PTPN11: variants seen among roughly 807,000 people sequenced by gnomAD.
PTPN11 encodes the protein tyrosine-protein phosphatase non-receptor type 11.
In PTPN11, 6 loss-of-function variants were observed where a neutral mutation model predicts 78.8. That is an observed-to-expected ratio of 0.08 (90% CI 0.04 to 0.15). PTPN11 has a LOEUF of 0.15. Among genes scored for constraint, PTPN11 ranks in the 10% least tolerant of loss-of-function variants. The pLI, the probability that PTPN11 is intolerant of heterozygous loss-of-function variation, is 1.00. For synonymous variants in PTPN11, 221 were observed against 263.5 expected (o/e 0.84, Z 1.56); for missense variants, 386 against 744.8 (o/e 0.52, Z 5.61).
Position 112,482,407 on chromosome 12 carries a change from G to A in PTPN11, c.1224+202G>A, listed in dbSNP as rs2038610263. ...TGTGAACAAGGCAGGTAGTGTTCCT[G>A]CCCTCATCGAGCCTAGGGAGATAGA... On this transcript the variant is annotated intron_variant, in intron 10 of 15. Transcript: ENST00000351677. This position sits in a 1 kb window ranked among gnomAD's most constrained non-coding sequence, Gnocchi z 4.4. 6.6e-6 allele frequency among the ~76,000 whole-genome samples: 1 copy of A among 152,178 alleles called. No individual in the cohort carries two copies. Among genetic ancestry groups the A allele is most frequent in the African/African-American group, 2.4e-5 (1 of 41,452 alleles).
At position 112,506,946 on chromosome 12, in the gene PTPN11, TTGATGATGATGATGATGATGATGA is replaced by T. The variant is rs80269561; in HGVS notation, c.*1178_*1201del. ...ACAGTGTCCCTTCTACTTCCCTCTA[TTGATGATGATGATGATGATGATGA>T]TGATGATGATGATGATGATGATGGT... On this transcript the variant is annotated 3_prime_UTR_variant, in exon 16 of 16. Transcript: ENST00000351677. 69 of 217,388 alleles carry T rather than the reference TTGATGATGATGATGATGATGATGA, an allele frequency of 3.2e-4. No individual in the cohort carries two copies. The East Asian group carries it at 9.4e-3, about 30-fold the overall frequency. The allele number at this position is 217,388 out of a possible 1,614,324, so 13.5% of individuals were successfully genotyped here. A position where few individuals can be genotyped will look rare whatever the true frequency, so the allele number is the denominator to read the frequency against.
In PTPN11 at chr12:112,504,586, A is replaced by G; in HGVS notation, c.1713-109A>G. The G allele has an allele frequency of 1.2e-6, 1 of 808,084 alleles. No homozygotes were observed. The highest frequency in any genetic ancestry group is 2.1e-6 in the Non-Finnish European group (1 of 473,550). The allele number at this position is 808,084 out of a possible 1,614,324, so 50.1% of individuals were successfully genotyped here. Reference sequence around the variant, plus strand: ...TCCTAGGCACAGGAACTGTGTCTGTACCATATCTGGTGCCCAAAGAATGTA... The same window carrying G: ...TCCTAGGCACAGGAACTGTGTCTGTGCCATATCTGGTGCCCAAAGAATGTA... On this transcript the variant is annotated intron_variant, in intron 14 of 15. Transcript: ENST00000351677. The surrounding 1 kb of genome is among the most constrained non-coding windows in gnomAD (Gnocchi z 4.7).
chr12:112,453,489 T>C, intron 4 of PTPN11, 102 bp downstream of exon 4: 2 of 678,478 alleles, frequency 2.9e-6, no homozygotes, highest in Non-Finnish European at 2.4e-6. Context: ...CAGATTGTCT[T>C]TTATTTATTT....
chr12:112,441,842 T>A (rs1415169633), intron 1 of PTPN11, among the ~76,000 whole-genome samples: 1 of 151,670 alleles, frequency 6.6e-6, no homozygotes, highest in Non-Finnish European at 1.5e-5. Context: ...GCAGTGGTGA[T>A]CTGGGCTCAC....
At chr12:112,442,876 AT>A (rs1334463371) in intron 1 of PTPN11, among the ~76,000 whole-genome samples, 42 of 70,728 alleles carry the variant, frequency 5.9e-4, no homozygotes, top group African/African-American at 2.3e-3. Flanking sequence ...ATATATATAT[AT>A]AAATTATATA....
intron 10 of PTPN11, among the ~76,000 whole-genome samples, 192 bp from the exon 11 acceptor site, chr12:112,486,283 C>T (rs1309811368): frequency 6.6e-6 from 1 of 152,134 alleles, no homozygotes; most frequent in Non-Finnish European, 1.5e-5. Flanking sequence ...GTTCTTATGA[C>T]AGAGGCAAAG....
At chr12:112,493,168 C>T (rs2038774025) in intron 13 of PTPN11, among the ~76,000 whole-genome samples, 3 of 151,388 alleles carry the variant, frequency 2.0e-5, no homozygotes, top group Non-Finnish European at 4.4e-5. Flanking sequence ...AAGTGATTCT[C>T]CTGCCTTGGC....
Position 112,507,138 on chromosome 12 carries a change from C to T in PTPN11, c.*1346C>T, listed in dbSNP as rs1197144688. 3 of 153,172 alleles carry T rather than the reference C, an allele frequency of 2.0e-5. No individual in the cohort carries two copies. The East Asian group carries it at 5.6e-4, about 28-fold the overall frequency. 9.5% of individuals were successfully genotyped at this position (153,172 alleles called of 1,614,324 possible). On this transcript the variant is annotated 3_prime_UTR_variant, in exon 16 of 16. Transcript: ENST00000351677. ...GTCTAACAGACGGTCACAACCAGTG[C>T]CATGGAAAACCAAGGATATTAGCAA...
At chr12:112,472,727 C>A (rs2038438280) in intron 6 of PTPN11, among the ~76,000 whole-genome samples, 3 of 152,148 alleles carry the variant, frequency 2.0e-5, no homozygotes, top group Admixed American at 2.0e-4. Context: ...TTTCGAACTC[C>A]TGCCCTGAAG....
At chr12:112,463,476 A>G (rs2038279675) in intron 6 of PTPN11, among the ~76,000 whole-genome samples, 1 of 152,206 alleles carries the variant, frequency 6.6e-6, no homozygotes. Flanking sequence ...AGACTTTCAC[A>G]AAGAGCTTGT....
At chr12:112,432,635 C>T (rs1475585747) in intron 1 of PTPN11, among the ~76,000 whole-genome samples, 1 of 148,972 alleles carries the variant, frequency 6.7e-6, no homozygotes, top group Non-Finnish European at 1.5e-5. Context: ...GGCCACTGCA[C>T]TCCCATCTAG....
intron 1 of PTPN11, among the ~76,000 whole-genome samples, chr12:112,430,693 A>G (rs2037699677): frequency 1.3e-5 from 2 of 151,566 alleles, no homozygotes; most frequent in East Asian, 1.9e-4. Flanking sequence ...TAGAGTAGCT[A>G]TGACTATAGG....
chr12:112,444,630 G>A (rs939941497), intron 1 of PTPN11, among the ~76,000 whole-genome samples: 12 of 152,042 alleles, frequency 7.9e-5, no homozygotes, highest in East Asian at 3.9e-4. Context: ...GTGAGCCACC[G>A]CACCTGGCCT....
chr12:112,450,208 T>C, intron 2 of PTPN11, 110 bp from the exon 3 acceptor site: 1 of 1,008,186 alleles, frequency 9.9e-7, no homozygotes, highest in East Asian at 2.4e-5. Context: ...ATTCGTTCCT[T>C]GGGTTTCTTT....
At chr12:112,436,940 A>G (rs1282790604) in intron 1 of PTPN11, among the ~76,000 whole-genome samples, 2 of 152,170 alleles carry the variant, frequency 1.3e-5, no homozygotes, top group African/African-American at 4.8e-5. Flanking sequence ...TAAAAATGGT[A>G]ATAAATTTTA....
At chr12:112,489,763 T>G (rs2038723279) in intron 13 of PTPN11, among the ~76,000 whole-genome samples, 1 of 152,196 alleles carries the variant, frequency 6.6e-6, no homozygotes, top group African/African-American at 2.4e-5. Flanking sequence ...TTTTGGGGGC[T>G]GTGCTTCTCT....
intron 12 of PTPN11, 122 bp from the exon 13 acceptor site, chr12:112,488,902 G>C (rs1041984559): frequency 7.4e-7 from 1 of 1,355,624 alleles, no homozygotes; most frequent in Non-Finnish European, 1.0e-6. Flanking sequence ...ATTGCAACAT[G>C]CTCAGTTAAA....
chr12:112,445,347 G>T lies in PTPN11; in HGVS notation c.15-929G>T, dbSNP rs529885727. Among the ~76,000 whole-genome samples, 21 of 152,210 alleles carry T rather than the reference G, an allele frequency of 1.4e-4. No individual in the cohort carries two copies. In the South Asian group the frequency reaches 4.4e-3, roughly 32 times the overall value. ...GGGTTTCACCACATTGGCCAGGATG[G>T]TCTTGAACTCCTGACGTCAAGTGAT... On this transcript the variant is annotated intron_variant, in intron 1 of 15. Coordinates refer to ENST00000351677, the MANE Select transcript of PTPN11 (RefSeq NM_002834.5).
chr12:112,432,242 C>T (rs989859062), intron 1 of PTPN11, among the ~76,000 whole-genome samples: 5 of 152,100 alleles, frequency 3.3e-5, no homozygotes, highest in Admixed American at 1.3e-4. Flanking sequence ...ACTCTATGCC[C>T]GTCCAAACCA....
Sources: allele counts gnomAD v4.1 joint callset (sites outside exome capture counted in the v4.1 genomes callset), GRCh38; gene constraint gnomAD v4.1.1; non-coding constraint Gnocchi (gnomAD v3.1); transcripts MANE v1.5; gene names NCBI Gene and HGNC (gene_info 2026-07-23, HGNC 2026-07-21).